The following FRMD6 variants were observed in gnomAD, a reference collection of about 807,000 sequenced individuals.
FRMD6 encodes FERM domain containing 6.
Under a neutral mutation model 73.2 loss-of-function variants are expected in FRMD6, and 37 were observed. That is an observed-to-expected ratio of 0.51 (90% CI 0.39 to 0.66). The LOEUF is 0.66. FRMD6 is among the 30% of genes least tolerant of loss of function. FRMD6 has a pLI of 0.00. For missense variants in FRMD6, 714 were observed against 780.5 expected (o/e 0.91, Z 1.02); for synonymous variants, 273 against 282.2 (o/e 0.97, Z 0.33).
chr14:51,567,581 C>T (rs891649524), intron 1 of FRMD6, among the ~76,000 whole-genome samples: 1 of 152,234 alleles, frequency 6.6e-6, no homozygotes, highest in African/African-American at 2.4e-5. Context: ...CTCAAGCAAT[C>T]CTCCTGTCTT....
chr14:51,565,611 G>A (rs1044062061), intron 1 of FRMD6, among the ~76,000 whole-genome samples: 4 of 152,110 alleles, frequency 2.6e-5, no homozygotes, highest in East Asian at 1.9e-4. Context: ...GTTGTGGGTC[G>A]TCCTTGTTTT....
At chr14:51,423,295 G>A in the FRMD6 span, among the ~76,000 whole-genome samples, 4 of 152,152 alleles carry the variant, frequency 2.6e-5, no homozygotes, top group Non-Finnish European at 5.9e-5. Flanking sequence ...AGCCTCCCTG[G>A]CCATTTCCTT....
At chr14:51,507,080 A>G (rs1306096861) in intron 1 of FRMD6, among the ~76,000 whole-genome samples, 1 of 134,334 alleles carries the variant, frequency 7.4e-6, no homozygotes, top group Non-Finnish European at 1.6e-5. Flanking sequence ...AATTGGTTGT[A>G]TAGACACACA....
At chr14:51,713,094 C>T (rs2140535448) in intron 9 of FRMD6, among the ~76,000 whole-genome samples, 1 of 152,040 alleles carries the variant, frequency 6.6e-6, no homozygotes, top group Admixed American at 6.6e-5. Flanking sequence ...TTCTCTTTTG[C>T]CAGCTATATC....
chr14:51,560,110 G>A (rs188165645), intron 1 of FRMD6, among the ~76,000 whole-genome samples: 199 of 152,172 alleles, frequency 1.3e-3, no homozygotes, highest in African/African-American at 4.6e-3. Context: ...CTAGCAATCT[G>A]CAATACATTT....
the FRMD6 span, among the ~76,000 whole-genome samples, chr14:51,402,610 G>A: frequency 3.3e-5 from 5 of 151,448 alleles, no homozygotes; most frequent in South Asian, 2.1e-4. Flanking sequence ...TTTGTAAATT[G>A]CCCAGTCTTG....
chr14:51,502,893 C>G (rs940323885), intron 1 of FRMD6, among the ~76,000 whole-genome samples: 1 of 152,156 alleles, frequency 6.6e-6, no homozygotes, highest in Non-Finnish European at 1.5e-5. Flanking sequence ...TTTTAGTTCT[C>G]CTTGAAGAGG....
At chr14:51,645,979 C>A (rs1295944111) in intron 2 of FRMD6, among the ~76,000 whole-genome samples, 1 of 152,068 alleles carries the variant, frequency 6.6e-6, no homozygotes, top group Non-Finnish European at 1.5e-5. Flanking sequence ...TCACCCCTCC[C>A]ACTGTTCCAG....
intron 2 of FRMD6, among the ~76,000 whole-genome samples, chr14:51,614,141 A>T (rs976916671): frequency 8.5e-5 from 13 of 152,126 alleles, no homozygotes; most frequent in African/African-American, 3.1e-4. Flanking sequence ...AATTCTGGGG[A>T]TTCTCATAGC....
At chr14:51,416,553 G>A in the FRMD6 span, among the ~76,000 whole-genome samples, 2 of 152,200 alleles carry the variant, frequency 1.3e-5, no homozygotes, top group African/African-American at 4.8e-5. Flanking sequence ...TACATTTGCT[G>A]AGGAGTGCTT....
intron 2 of FRMD6, among the ~76,000 whole-genome samples, chr14:51,600,344 G>A (rs554043236): frequency 5.6e-4 from 85 of 152,254 alleles, no homozygotes; most frequent in Admixed American, 1.4e-3. Flanking sequence ...TTATCAACAG[G>A]AATTCAGAAT....
At chr14:51,482,110 A>G in the FRMD6 span, among the ~76,000 whole-genome samples, 20,078 of 152,262 alleles carry the variant, frequency 0.13, 1,620 homozygotes, top group East Asian at 0.29. Context: ...GATGTCTAGC[A>G]AAGGGTAACA....
At chr14:51,525,070 A>AATAGATAGATG (rs141984847) in intron 1 of FRMD6, among the ~76,000 whole-genome samples, 10,238 of 101,868 alleles carry the variant, frequency 0.1, 912 homozygotes, top group African/African-American at 0.23. Flanking sequence ...AGACAAATAG[A>AATAGATAGATG]ATAGATAGAT....
rs551195427 is a variant in FRMD6, at chr14:51,727,943, A to G, written c.1783A>G (p.Ile595Val). 1 of 1,614,128 alleles carries G rather than the reference A, an allele frequency of 6.2e-7. No homozygotes were observed. The highest frequency in any genetic ancestry group is 1.1e-5 in the South Asian group (1 of 91,084). ...TTGCTTGGCCCAGCAGTGCATCAACATCCAAGATGCTTTTCCAGTCAAAAG... is the reference window on the plus strand; with the variant it reads ...TTGCTTGGCCCAGCAGTGCATCAACGTCCAAGATGCTTTTCCAGTCAAAAG... ...NSCLAQQCIN[I>V]QDAFPVKRTS... Residue 595 changes from isoleucine to valine, a missense_variant, in exon 14 of 14, where the codon ATC (isoleucine) becomes GTC (valine). Coordinates refer to ENST00000344768, the MANE Select transcript of FRMD6 (RefSeq NM_001267046.2).
the FRMD6 span, among the ~76,000 whole-genome samples, chr14:51,443,641 C>T: frequency 1.3e-5 from 2 of 152,174 alleles, no homozygotes; most frequent in African/African-American, 4.8e-5. Context: ...TGGTCTTTCC[C>T]ATGCGGGGTT....
At chr14:51,654,035 C>T (rs1892633647) in intron 1 of FRMD6, among the ~76,000 whole-genome samples, 6 of 152,160 alleles carry the variant, frequency 3.9e-5, no homozygotes, top group Admixed American at 3.9e-4. Flanking sequence ...ATCAGCAGTT[C>T]TTGCAGTACT....
chr14:51,718,526 C>G (rs1359081632), intron 10 of FRMD6, among the ~76,000 whole-genome samples: 2 of 152,232 alleles, frequency 1.3e-5, no homozygotes, highest in Admixed American at 6.5e-5. Context: ...TGCTGTGAAA[C>G]CACAGTGAAT....
intron 2 of FRMD6, among the ~76,000 whole-genome samples, chr14:51,618,874 CTGA>C (rs1229219184): frequency 9.3e-5 from 14 of 149,994 alleles, no homozygotes; most frequent in Admixed American, 4.0e-4. Flanking sequence ...ACAGTTTCAT[CTGA>C]TGATGAATAT....
the FRMD6 span, among the ~76,000 whole-genome samples, chr14:51,437,150 G>C: frequency 6.6e-6 from 1 of 151,654 alleles, no homozygotes; most frequent in Admixed American, 6.6e-5. Context: ...CCCACCCCCC[G>C]ACAGGCCCCG....
Sources: allele counts gnomAD v4.1 joint callset (sites outside exome capture counted in the v4.1 genomes callset), GRCh38; gene constraint gnomAD v4.1.1; transcripts MANE v1.5; gene names NCBI Gene and HGNC (gene_info 2026-07-23, HGNC 2026-07-21).